The following PLCB1 variants were observed in gnomAD, a reference collection of about 807,000 sequenced individuals.
The protein encoded by PLCB1 is 1-phosphatidylinositol 4,5-bisphosphate phosphodiesterase beta-1.
A neutral mutation model predicts 161.8 loss-of-function variants in PLCB1; 46 were observed. The ratio of observed to expected loss-of-function variants is 0.28; its 90% CI spans 0.22 to 0.36. PLCB1 has a LOEUF of 0.36. PLCB1 is among the 10% of genes least tolerant of loss of function. PLCB1 has a pLI of 1.00. For synonymous variants in PLCB1, 517 were observed against 503.7 expected (o/e 1.03, Z -0.35); for missense variants, 1,016 against 1,472.5 (o/e 0.69, Z 5.07).
At chr20:8,629,765 AT>A (rs1302868895) in intron 4 of PLCB1, among the ~76,000 whole-genome samples, 2 of 148,636 alleles carry the variant, frequency 1.3e-5, no homozygotes, top group East Asian at 4.0e-4. Context: ...GCTACACCAG[AT>A]GTGTTGGCCT....
intron 31 of PLCB1, among the ~76,000 whole-genome samples, chr20:8,871,785 C>T (rs2146325626): frequency 6.6e-6 from 1 of 152,256 alleles, no homozygotes; most frequent in Admixed American, 6.5e-5. Context: ...ATAGGCAGGA[C>T]TTTAGATTTT....
chr20:8,580,357 C>T (rs1405002356), intron 3 of PLCB1, among the ~76,000 whole-genome samples: 1 of 152,154 alleles, frequency 6.6e-6, no homozygotes, highest in African/African-American at 2.4e-5. Flanking sequence ...TGTAGTTACG[C>T]TGTGATAATG....
intron 3 of PLCB1, among the ~76,000 whole-genome samples, chr20:8,397,321 TAG>T (rs767642345): frequency 9.2e-5 from 14 of 152,262 alleles, no homozygotes; most frequent in Non-Finnish European, 1.6e-4. Flanking sequence ...TTATTTTCTA[TAG>T]AGTTATATTA....
At chr20:8,240,305 C>T (rs551708358) in intron 2 of PLCB1, among the ~76,000 whole-genome samples, 7 of 146,978 alleles carry the variant, frequency 4.8e-5, no homozygotes, top group East Asian at 3.9e-4. Context: ...CACACACACA[C>T]GCACACACAC....
intron 2 of PLCB1, among the ~76,000 whole-genome samples, chr20:8,275,384 G>T (rs1015660797): frequency 2.6e-5 from 4 of 151,736 alleles, no homozygotes; most frequent in Non-Finnish European, 5.9e-5. Context: ...GTTTCCTATT[G>T]TCCTCAGTGA....
chr20:8,253,524 T>C (rs1981261393), intron 2 of PLCB1, among the ~76,000 whole-genome samples: 1 of 152,022 alleles, frequency 6.6e-6, no homozygotes, highest in Non-Finnish European at 1.5e-5. Context: ...TGGGGCTAAA[T>C]GCATTTCTGG....
At chr20:8,853,153 C>T (rs1203209623) in intron 31 of PLCB1, among the ~76,000 whole-genome samples, 1 of 152,116 alleles carries the variant, frequency 6.6e-6, no homozygotes, top group Non-Finnish European at 1.5e-5. Flanking sequence ...GAACTTTGGG[C>T]ACATAAGGAA....
At chr20:8,392,144 C>T (rs923449873) in intron 3 of PLCB1, among the ~76,000 whole-genome samples, 1 of 151,830 alleles carries the variant, frequency 6.6e-6, no homozygotes, top group South Asian at 2.1e-4. Context: ...AAAGTTGTGG[C>T]CTTTTGAAGG....
intron 2 of PLCB1, among the ~76,000 whole-genome samples, chr20:8,284,977 G>A (rs549387427): frequency 4.6e-5 from 7 of 151,454 alleles, no homozygotes; most frequent in African/African-American, 1.7e-4. Context: ...TGACATTTAT[G>A]TGCTCGTTTT....
At chr20:8,273,808 GGTGTAA>G (rs2123268497) in intron 2 of PLCB1, among the ~76,000 whole-genome samples, 2 of 152,212 alleles carry the variant, frequency 1.3e-5, no homozygotes, top group South Asian at 4.1e-4. Flanking sequence ...TAAAATGTAT[GGTGTAA>G]GTGCCATGGG....
At chr20:8,591,261 TC>T (rs1425658405) in intron 3 of PLCB1, among the ~76,000 whole-genome samples, 4 of 152,144 alleles carry the variant, frequency 2.6e-5, no homozygotes, top group Non-Finnish European at 5.9e-5. Context: ...ACCTAACACA[TC>T]CACAGGTTTC....
rs1357868264 is a variant in PLCB1 at position 8,600,297 on chromosome 20, T to G, written c.247-27997T>G. On this transcript the variant is annotated intron_variant, in intron 3 of 31. Coordinates refer to ENST00000338037, the MANE Select transcript of PLCB1 (RefSeq NM_015192.4). ...GTTTTTGGTGTGGATGTCCTTTCTGTTTGTTAGTTTTCCTTCTAACAGACA... is the reference window on the plus strand; with the variant it reads ...GTTTTTGGTGTGGATGTCCTTTCTGGTTGTTAGTTTTCCTTCTAACAGACA... Among the ~76,000 whole-genome samples the G allele has an allele frequency of 4.7e-4, 50 of 107,424 alleles. 5 individuals carry two copies. The highest frequency in any genetic ancestry group is 8.5e-4 in the Admixed American group (10 of 11,830). The allele number at this position is 107,424 out of a possible 152,430, so 70.5% of individuals were successfully genotyped here.
chr20:8,625,141 C>T (rs1433162408), intron 3 of PLCB1: 1 of 152,174 alleles, frequency 6.6e-6, no homozygotes, highest in African/African-American at 2.4e-5. Context: ...TTCCCAAGAA[C>T]TGAGAATGTC....
At chr20:8,181,242 C>G (rs1182413924) in intron 2 of PLCB1, among the ~76,000 whole-genome samples, 2 of 112,556 alleles carry the variant, frequency 1.8e-5, no homozygotes, top group African/African-American at 7.8e-5. Context: ...GAATGAGACT[C>G]TGTCTCAAAA....
At chr20:8,789,374 G>A in intron 29 of PLCB1, 144 bp from the exon 30 acceptor site, 1 of 641,908 alleles carries the variant, frequency 1.6e-6, no homozygotes, top group Non-Finnish European at 2.7e-6. Flanking sequence ...GCGAAACCTT[G>A]TCTCCAATAA....
Position 8,607,251 on chromosome 20 carries a change from TTG to T in PLCB1, c.247-21042_247-21041del, listed in dbSNP as rs375605725. Among the ~76,000 whole-genome samples, 15 of 152,330 alleles carry T rather than the reference TTG, an allele frequency of 9.8e-5. No homozygotes were observed. In the South Asian group the frequency reaches 3.1e-3, roughly 32 times the overall value. Reference sequence around the variant, plus strand: ...TCCAACCTCCATGAAATAGACTCAGTTGAAATAGCATCTTAATTGGCTTCCTG... The same window carrying T: ...TCCAACCTCCATGAAATAGACTCAGTAAATAGCATCTTAATTGGCTTCCTG... On this transcript the variant is annotated intron_variant, in intron 3 of 31. Coordinates refer to ENST00000338037, the MANE Select transcript of PLCB1 (RefSeq NM_015192.4).
At chr20:8,736,286 G>T (rs7263712) in intron 19 of PLCB1, among the ~76,000 whole-genome samples, 1 of 152,158 alleles carries the variant, frequency 6.6e-6, no homozygotes, top group Non-Finnish European at 1.5e-5. Flanking sequence ...AGACATGGAA[G>T]ACATTTATAA....
intron 3 of PLCB1, among the ~76,000 whole-genome samples, chr20:8,377,891 T>G (rs1987141115): frequency 6.6e-6 from 1 of 152,158 alleles, no homozygotes; most frequent in South Asian, 2.1e-4. Flanking sequence ...GGGAAGATGT[T>G]GGCCCTGGAG....
intron 3 of PLCB1, among the ~76,000 whole-genome samples, chr20:8,402,696 T>A (rs1013919707): frequency 1.0e-3 from 148 of 146,212 alleles, no homozygotes; most frequent in African/African-American, 3.6e-3. Flanking sequence ...AAAAAAAAAA[T>A]TAGCCAGGCG....
Sources: gnomAD v4.1 joint callset for allele counts (sites outside exome capture counted in the v4.1 genomes callset) on GRCh38, gnomAD v4.1.1 for gene constraint, MANE v1.5 for transcripts, NCBI Gene and HGNC (gene_info 2026-07-23, HGNC 2026-07-21) for gene names.